Variants in FRMD4A observed in about 807,000 individuals in gnomAD.
FRMD4A encodes the protein FERM domain-containing protein 4A.
In FRMD4A, 29 loss-of-function variants were observed where a neutral mutation model predicts 129.1. The observed-to-expected ratio is 0.22, with a 90% CI of 0.17 to 0.31. The LOEUF (loss-of-function observed/expected upper bound fraction) is 0.31. Among genes scored for constraint, FRMD4A ranks in the 10% least tolerant of loss-of-function variants. The pLI is 1.00. For synonymous variants in FRMD4A, 634 were observed against 571.6 expected (o/e 1.11, Z -1.56); for missense variants, 1,272 against 1,375.8 (o/e 0.92, Z 1.19).
chr10:14,170,931 G>A (rs1056277952), intron 2 of FRMD4A, among the ~76,000 whole-genome samples: 21 of 151,658 alleles, frequency 1.4e-4, no homozygotes, highest in African/African-American at 5.1e-4. Context: ...TAAAGACTTG[G>A]CCTGATTTCA....
intron 2 of FRMD4A, among the ~76,000 whole-genome samples, chr10:14,190,318 A>T (rs2131921011): frequency 6.6e-6 from 1 of 152,268 alleles, no homozygotes; most frequent in African/African-American, 2.4e-5. Context: ...AAAAGGGCTC[A>T]CTGCTGGATG....
At chr10:14,199,186 A>AT (rs1842558193) in intron 2 of FRMD4A, among the ~76,000 whole-genome samples, 1 of 151,854 alleles carries the variant, frequency 6.6e-6, no homozygotes, top group Non-Finnish European at 1.5e-5. Flanking sequence ...AAAAGTTTTA[A>AT]TCTCATTTGC....
chr10:13,992,834 TC>T (rs1275113709), intron 2 of FRMD4A, among the ~76,000 whole-genome samples: 1 of 150,744 alleles, frequency 6.6e-6, no homozygotes, highest in African/African-American at 2.4e-5. Flanking sequence ...ATGCCTGTAA[TC>T]CCAGCTACTT....
chr10:13,977,204 G>C (rs1160841354), intron 2 of FRMD4A, among the ~76,000 whole-genome samples: 1 of 152,204 alleles, frequency 6.6e-6, no homozygotes, highest in East Asian at 1.9e-4. Context: ...TTTCTTTTGT[G>C]CTTTGTGAGC....
At chr10:13,985,221 C>G (rs1700139728) in intron 2 of FRMD4A, among the ~76,000 whole-genome samples, 1 of 152,240 alleles carries the variant, frequency 6.6e-6, no homozygotes. Flanking sequence ...TGTTTGGCCC[C>G]TAGGCCCCAG....
chr10:14,236,828 T>A (rs1295538144), intron 2 of FRMD4A, among the ~76,000 whole-genome samples: 2 of 151,846 alleles, frequency 1.3e-5, no homozygotes, highest in African/African-American at 4.8e-5. Flanking sequence ...ACAGCTAACG[T>A]TTCAAGGAGG....
At chr10:14,031,773 C>T (rs1357686843) in intron 2 of FRMD4A, among the ~76,000 whole-genome samples, 10 of 152,132 alleles carry the variant, frequency 6.6e-5, no homozygotes, top group Admixed American at 6.5e-4. Flanking sequence ...TTGAGTGGGG[C>T]ATTTTGCTCA....
chr10:14,286,162 G>A (rs535852751), intron 2 of FRMD4A, among the ~76,000 whole-genome samples: 20 of 152,310 alleles, frequency 1.3e-4, no homozygotes, highest in South Asian at 6.2e-4. Flanking sequence ...CTTGGACTCC[G>A]TAAATGGATT....
chr10:14,190,858 A>C (rs756630376), intron 2 of FRMD4A, among the ~76,000 whole-genome samples: 1 of 152,168 alleles, frequency 6.6e-6, no homozygotes, highest in Non-Finnish European at 1.5e-5. Flanking sequence ...GGAAGCAGGA[A>C]GTCTGGAAAG....
At chr10:13,947,110 G>T (rs1351909264) in intron 2 of FRMD4A, among the ~76,000 whole-genome samples, 4 of 152,166 alleles carry the variant, frequency 2.6e-5, no homozygotes, top group Non-Finnish European at 5.9e-5. Context: ...CTGAAAGGAA[G>T]AATTGCATTA....
intron 3 of FRMD4A, among the ~76,000 whole-genome samples, chr10:13,839,820 C>T (rs59435712): frequency 3.9e-5 from 6 of 152,170 alleles, no homozygotes; most frequent in Non-Finnish European, 5.9e-5. Flanking sequence ...TCTGAGCCGG[C>T]GTGTGCTGCC....
chr10:14,220,502 G>A (rs758527309), intron 2 of FRMD4A, among the ~76,000 whole-genome samples: 10 of 152,084 alleles, frequency 6.6e-5, no homozygotes, highest in African/African-American at 9.7e-5. Flanking sequence ...TCTATCCCCC[G>A]CCTTGAGGCC....
chr10:14,054,897 C>T (rs1251199889), intron 2 of FRMD4A, among the ~76,000 whole-genome samples: 5 of 152,302 alleles, frequency 3.3e-5, no homozygotes, highest in Admixed American at 2.6e-4. Context: ...TGTGACTTTG[C>T]TCCTCCTTTG....
At position 13,748,163 on chromosome 10, in the gene FRMD4A, G is replaced by A. The variant is rs2091388874; in HGVS notation, c.465-344C>T. Among the ~76,000 whole-genome samples, 7 of 152,046 alleles carry A rather than the reference G, an allele frequency of 4.6e-5. No homozygotes were observed. In the South Asian group the frequency reaches 1.5e-3, roughly 32 times the overall value. On this transcript the variant is annotated intron_variant, in intron 8 of 24. Coordinates refer to ENST00000357447, the MANE Select transcript of FRMD4A (RefSeq NM_018027.5). ...ATTTGGGGAGAAGAAGTGTCCCCAG[G>A]GGTCCCCCAGGGCAGGATCTTAGAA...
intron 3 of FRMD4A, among the ~76,000 whole-genome samples, chr10:13,836,260 A>G (rs1044422636): frequency 3.3e-5 from 5 of 152,178 alleles, no homozygotes; most frequent in African/African-American, 1.2e-4. Flanking sequence ...GGCCTCCCAA[A>G]GTGCTGGGAT....
chr10:13,950,955 A>T (rs1236439702), intron 2 of FRMD4A, among the ~76,000 whole-genome samples: 1 of 152,200 alleles, frequency 6.6e-6, no homozygotes, highest in Non-Finnish European at 1.5e-5. Context: ...AAATACTGAG[A>T]TTCGAAGGGA....
At chr10:13,874,378 A>C (rs1440668957) in intron 2 of FRMD4A, among the ~76,000 whole-genome samples, 1 of 152,066 alleles carries the variant, frequency 6.6e-6, no homozygotes, top group Non-Finnish European at 1.5e-5. Context: ...AATCCCAGGT[A>C]GTTTATAAAG....
At chr10:14,008,307 G>T in intron 2 of FRMD4A, 1 of 1,038,670 alleles carries the variant, frequency 9.6e-7, no homozygotes, top group Non-Finnish European at 1.2e-6. Context: ...TTTTTCTTTC[G>T]ACCATCTGAG....
chr10:13,673,836 C>T (rs568596713), intron 16 of FRMD4A, among the ~76,000 whole-genome samples: 2 of 132,992 alleles, frequency 1.5e-5, no homozygotes, highest in Non-Finnish European at 3.0e-5. Flanking sequence ...AGTGCAATGG[C>T]GTGATCACTG....
Sources: gnomAD v4.1 joint callset for allele counts (sites outside exome capture counted in the v4.1 genomes callset) on GRCh38, gnomAD v4.1.1 for gene constraint, MANE v1.5 for transcripts, NCBI Gene and HGNC (gene_info 2026-07-23, HGNC 2026-07-21) for gene names.